The following PRKAG2 variants were observed in gnomAD, a reference collection of about 807,000 sequenced individuals.
PRKAG2 encodes the protein 5'-AMP-activated protein kinase subunit gamma-2.
In PRKAG2, 26 loss-of-function variants were observed where a neutral mutation model predicts 69.6. The observed-to-expected ratio is 0.37, with a 90% CI of 0.27 to 0.52. The LOEUF (loss-of-function observed/expected upper bound fraction) is 0.52, where lower values mean the gene tolerates loss of function less well. Among genes scored for constraint, PRKAG2 ranks in the 20% least tolerant of loss-of-function variants. The pLI, the probability that PRKAG2 is intolerant of heterozygous loss-of-function variation, is 0.90. For synonymous variants in PRKAG2, 293 were observed against 285.0 expected (o/e 1.03, Z -0.28); for missense variants, 557 against 740.0 (o/e 0.75, Z 2.87).
At chr7:151,709,798 T>TA (rs1449614516) in intron 3 of PRKAG2, among the ~76,000 whole-genome samples, 1 of 152,208 alleles carries the variant, frequency 6.6e-6, no homozygotes, top group Non-Finnish European at 1.5e-5. Context: ...TGTGAAGTGA[T>TA]ATGTGTAACA....
At chr7:151,647,787 A>G (rs918966332) in intron 4 of PRKAG2, among the ~76,000 whole-genome samples, 1 of 152,318 alleles carries the variant, frequency 6.6e-6, no homozygotes, top group Admixed American at 6.5e-5. Flanking sequence ...TGGCAATATA[A>G]AAAAATCCTA....
intron 6 of PRKAG2, among the ~76,000 whole-genome samples, chr7:151,594,205 C>A (rs1177791072): frequency 6.6e-6 from 1 of 152,198 alleles, no homozygotes; most frequent in African/African-American, 2.4e-5. Flanking sequence ...GGGTGTCTTC[C>A]CCTGCCCTGC....
In PRKAG2 at chr7:151,836,103, A is replaced by G. The variant is rs376605583; in HGVS notation, c.114+40404T>C. On this transcript the variant is annotated intron_variant, in intron 1 of 15. Transcript: ENST00000287878. The surrounding 1 kb of genome is among the most constrained non-coding windows in gnomAD (Gnocchi z 4.1). ...TTTAAACCAGTGAGATGTGATTACA[A>G]TGAATATTCATGACCGCTTCCCATA... is the stretch of plus-strand genomic sequence containing the variant. Among the ~76,000 whole-genome samples the G allele has an allele frequency of 5.3e-5, 8 of 152,210 alleles. No homozygotes were observed. Among genetic ancestry groups the G allele is most frequent in the Non-Finnish European group, 1.2e-4 (8 of 68,042 alleles).
chr7:151,631,950 C>G, intron 5 of PRKAG2, 119 bp downstream of exon 5: 1 of 1,019,670 alleles, frequency 9.8e-7, no homozygotes, highest in Non-Finnish European at 1.2e-6. Context: ...TGGGCTTCCG[C>G]AGGACGCAGC....
At chr7:151,745,994 G>C (rs1345182735) in intron 3 of PRKAG2, among the ~76,000 whole-genome samples, 1 of 152,158 alleles carries the variant, frequency 6.6e-6, no homozygotes, top group Non-Finnish European at 1.5e-5. Context: ...GCTCAACGGG[G>C]GCCACCAAGC....
chr7:151,832,225 A>AG lies in PRKAG2; in HGVS notation c.114+44281dup, dbSNP rs1563737666. Among the ~76,000 whole-genome samples, 300 of 84,464 alleles carry AG rather than the reference A, an allele frequency of 3.6e-3. 3 individuals carry two copies. The highest frequency in any genetic ancestry group is 0.012 in the African/African-American group (253 of 21,570). 55.4% of individuals were successfully genotyped at this position (84,464 alleles called of 152,430 possible). A position where few individuals can be genotyped will look rare whatever the true frequency, so the allele number is the denominator to read the frequency against. ...TTAGAGGGAGGAAGAGGAGGGGAGG[A>AG]GGGAAGGAGAGGAGGAGGGAAGGAA... On this transcript the variant is annotated intron_variant, in intron 1 of 15. Coordinates refer to ENST00000287878, the MANE Select transcript of PRKAG2 (RefSeq NM_016203.4).
intron 3 of PRKAG2, among the ~76,000 whole-genome samples, chr7:151,770,047 AC>A (rs1474768283): frequency 2.0e-5 from 3 of 151,904 alleles, no homozygotes; most frequent in African/African-American, 7.3e-5. Context: ...GCCTCATTAC[AC>A]CCCCTCCCTT....
chr7:151,867,658 C>T (rs77547981), intron 1 of PRKAG2, among the ~76,000 whole-genome samples: 5 of 152,210 alleles, frequency 3.3e-5, no homozygotes, highest in Admixed American at 2.0e-4. Flanking sequence ...GGGACTTCGA[C>T]CTTTTTTTTG....
intron 1 of PRKAG2, among the ~76,000 whole-genome samples, chr7:151,832,036 C>T (rs1350044910): frequency 1.3e-5 from 2 of 152,116 alleles, no homozygotes; most frequent in African/African-American, 4.8e-5. Context: ...ACGAAATCTC[C>T]AAGATGGAGG....
chr7:151,836,064 C>T lies in PRKAG2; in HGVS notation c.114+40443G>A, dbSNP rs374531056. On this transcript the variant is annotated intron_variant, in intron 1 of 15. Coordinates refer to ENST00000287878, the MANE Select transcript of PRKAG2 (RefSeq NM_016203.4). The surrounding 1 kb of genome is among the most constrained non-coding windows in gnomAD (Gnocchi z 4.1). ...TGCACATCCTGAGTCTAACTCACCC[C>T]GACATTTTTTGGTTTTAAACCAGTG... 4.2e-4 allele frequency among the ~76,000 whole-genome samples: 64 copies of T among 152,274 alleles called. No homozygotes were observed. Among genetic ancestry groups the T allele is most frequent in the Non-Finnish European group, 6.9e-4 (47 of 68,016 alleles).
At chr7:151,644,141 C>T (rs533628816) in intron 4 of PRKAG2, among the ~76,000 whole-genome samples, 25 of 152,196 alleles carry the variant, frequency 1.6e-4, no homozygotes, top group Non-Finnish European at 2.9e-4. Context: ...GTATACTGCT[C>T]GGGTGATGGA....
At chr7:151,732,982 C>T (rs570863747) in intron 3 of PRKAG2, among the ~76,000 whole-genome samples, 13 of 152,298 alleles carry the variant, frequency 8.5e-5, no homozygotes, top group Non-Finnish European at 1.8e-4. Flanking sequence ...TGTGAGCCAC[C>T]GTGCCAGGCC....
chr7:151,700,221 T>A (rs1056897530), intron 3 of PRKAG2, among the ~76,000 whole-genome samples: 1 of 152,162 alleles, frequency 6.6e-6, no homozygotes, highest in Non-Finnish European at 1.5e-5. Flanking sequence ...GAAAGAGGCG[T>A]ATTATACGCC....
At chr7:151,830,991 A>G (rs55783946) in intron 1 of PRKAG2, among the ~76,000 whole-genome samples, 38,314 of 151,540 alleles carry the variant, frequency 0.25, 5,311 homozygotes, top group Non-Finnish European at 0.28. Flanking sequence ...TAAGCTCAAC[A>G]TTAGTTATCA....
intron 1 of PRKAG2, among the ~76,000 whole-genome samples, chr7:151,874,121 G>A (rs1463035887): frequency 7.1e-6 from 1 of 141,174 alleles, no homozygotes; most frequent in African/African-American, 2.7e-5. Flanking sequence ...ATATGTATAT[G>A]TATATGATGT....
chr7:151,732,761 T>G (rs1039593183), intron 3 of PRKAG2, among the ~76,000 whole-genome samples: 1 of 152,108 alleles, frequency 6.6e-6, no homozygotes, highest in African/African-American at 2.4e-5. Context: ...GGCATAATCT[T>G]GGCTCACTGC....
At chr7:151,778,178 G>A (rs140926315) in intron 3 of PRKAG2, among the ~76,000 whole-genome samples, 196 of 152,152 alleles carry the variant, frequency 1.3e-3, no homozygotes, top group South Asian at 8.7e-3. Flanking sequence ...AGCAGTGCCC[G>A]TTCCCTAGCC....
At chr7:151,787,671 T>C (rs1374107504) in intron 1 of PRKAG2, among the ~76,000 whole-genome samples, 1 of 152,118 alleles carries the variant, frequency 6.6e-6, no homozygotes, top group African/African-American at 2.4e-5. Context: ...TGTTATGGTA[T>C]GAATTGTGTC....
chr7:151,754,254 A>G (rs1346722745), intron 3 of PRKAG2, among the ~76,000 whole-genome samples: 1 of 152,242 alleles, frequency 6.6e-6, no homozygotes, highest in African/African-American at 2.4e-5. Context: ...GACGTCTTCC[A>G]GGCTGGCGCC....
Sources: gnomAD v4.1 joint callset for allele counts (sites outside exome capture counted in the v4.1 genomes callset) on GRCh38, gnomAD v4.1.1 for gene constraint, Gnocchi (gnomAD v3.1) non-coding constraint, MANE v1.5 for transcripts, NCBI Gene and HGNC (gene_info 2026-07-23, HGNC 2026-07-21) for gene names.